Variants in DOCK4 observed in about 807,000 individuals in gnomAD.
DOCK4 encodes the protein dedicator of cytokinesis 4.
A neutral mutation model predicts 268.1 loss-of-function variants in DOCK4; 97 were observed. The observed-to-expected ratio is 0.36, with a 90% confidence interval of 0.31 to 0.43. The LOEUF (loss-of-function observed/expected upper bound fraction) is 0.43. Among genes scored for constraint, DOCK4 ranks in the 20% least tolerant of loss-of-function variants. DOCK4 has a pLI of 1.00. For missense variants in DOCK4, 2,145 were observed against 2,455.7 expected (o/e 0.87, Z 2.67); for synonymous variants, 954 against 887.2 (o/e 1.08, Z -1.34).
intron 1 of DOCK4, among the ~76,000 whole-genome samples, chr7:112,194,781 G>A (rs780099664): frequency 4.6e-5 from 7 of 152,198 alleles, no homozygotes; most frequent in Non-Finnish European, 8.8e-5. Flanking sequence ...TACAGGTAAT[G>A]TGTATGCCAA....
intron 1 of DOCK4, among the ~76,000 whole-genome samples, chr7:112,035,040 C>T (rs1046944333): frequency 3.3e-5 from 5 of 152,172 alleles, no homozygotes; most frequent in Middle Eastern, 3.2e-3. Flanking sequence ...CCTGGACACA[C>T]GGAGATGGTC....
chr7:112,165,744 T>C (rs1817562135), intron 1 of DOCK4, among the ~76,000 whole-genome samples: 1 of 152,142 alleles, frequency 6.6e-6, no homozygotes, highest in African/African-American at 2.4e-5. Flanking sequence ...TACTTAACTT[T>C]TGCTGAGAAA....
At chr7:112,190,610 G>C (rs1329048889) in intron 1 of DOCK4, among the ~76,000 whole-genome samples, 1 of 151,982 alleles carries the variant, frequency 6.6e-6, no homozygotes, top group Non-Finnish European at 1.5e-5. Context: ...TTGCAGACAG[G>C]GGCCGATTTA....
At position 112,155,858 on chromosome 7, in the gene DOCK4, C is replaced by A. The variant is rs576709421; in HGVS notation, c.37+50244G>T. Among the ~76,000 whole-genome samples the A allele has an allele frequency of 9.2e-5, 14 of 152,320 alleles. No individual in the cohort carries two copies. The South Asian group carries it at 2.9e-3, about 32-fold the overall frequency. On this transcript the variant is annotated intron_variant, in intron 1 of 52. Transcript: ENST00000428084. ...CATCTGCATGATCCTATGTGACAGC[C>A]ACTGGCTACATGTGACAACTGAGCA...
chr7:112,098,540 C>T (rs1810365012), intron 1 of DOCK4, among the ~76,000 whole-genome samples: 1 of 149,084 alleles, frequency 6.7e-6, no homozygotes, highest in African/African-American at 2.5e-5. Flanking sequence ...TGAATAGGTA[C>T]TATTTTATAT....
intron 1 of DOCK4, among the ~76,000 whole-genome samples, chr7:112,181,522 T>C (rs1051721608): frequency 1.3e-5 from 2 of 150,404 alleles, no homozygotes; most frequent in Non-Finnish European, 1.5e-5. Context: ...CCAGGGATAG[T>C]GGTTTGTGCC....
rs765114043 is a variant in DOCK4, at chr7:111,940,098, C to A, written c.977+12G>T. 1.1e-5 allele frequency: 17 copies of A among 1,613,782 alleles called. No homozygotes were observed. In the South Asian group the frequency reaches 1.8e-4, roughly 17 times the overall value. On this transcript the variant is annotated intron_variant, in intron 11 of 52. Transcript: ENST00000428084. Reference sequence around the variant, plus strand: ...TGCCTACCCCAGCCATCACCACGTGCATGTTTCTTACATGTATACTTTCAG... The same window carrying A: ...TGCCTACCCCAGCCATCACCACGTGAATGTTTCTTACATGTATACTTTCAG...
intron 46 of DOCK4, 128 bp downstream of exon 46, chr7:111,741,412 C>T: frequency 1.4e-6 from 2 of 1,431,732 alleles, no homozygotes; most frequent in Non-Finnish European, 1.9e-6. Context: ...TCTGCAGCTG[C>T]CTCGCGGGTT....
intron 1 of DOCK4, among the ~76,000 whole-genome samples, chr7:112,135,191 G>T (rs1814208895): frequency 6.6e-6 from 1 of 151,946 alleles, no homozygotes. Context: ...TTGAAAGTTG[G>T]TATATTTTTC....
chr7:111,805,145 AC>A (rs1800580473), intron 30 of DOCK4, among the ~76,000 whole-genome samples: 1 of 152,132 alleles, frequency 6.6e-6, no homozygotes, highest in African/African-American at 2.4e-5. Context: ...GGACAACAAA[AC>A]CTTTTGATTT....
intron 44 of DOCK4, among the ~76,000 whole-genome samples, chr7:111,743,744 G>C (rs1275648138): frequency 6.6e-6 from 1 of 152,182 alleles, no homozygotes; most frequent in Non-Finnish European, 1.5e-5. Context: ...GACAAGAAAA[G>C]AAGTTGAGCT....
intron 36 of DOCK4, among the ~76,000 whole-genome samples, chr7:111,776,086 A>G (rs1406362508): frequency 2.6e-5 from 4 of 152,226 alleles, no homozygotes; most frequent in African/African-American, 9.6e-5. Flanking sequence ...ATGTCTTCCT[A>G]AAGATTTTAA....
intron 1 of DOCK4, among the ~76,000 whole-genome samples, chr7:112,053,410 T>C (rs1805540355): frequency 6.6e-6 from 1 of 152,130 alleles, no homozygotes. Context: ...TTAAAAGGGT[T>C]TTTCTGTAAG....
intron 1 of DOCK4, among the ~76,000 whole-genome samples, chr7:112,197,470 G>A (rs1018619295): frequency 4.1e-4 from 62 of 152,104 alleles, no homozygotes; most frequent in African/African-American, 1.3e-3. Flanking sequence ...TCTCACAAAC[G>A]TGCACAATCT....
chr7:111,933,298 A>AT (rs376735342), intron 12 of DOCK4, among the ~76,000 whole-genome samples: 1,278 of 74,816 alleles, frequency 0.017, 167 homozygotes, highest in African/African-American at 0.038. Flanking sequence ...ATATATATAT[A>AT]TTTTTTTTTT....
chr7:111,935,482 C>A (rs1343568111), intron 12 of DOCK4, 58 bp downstream of exon 12: 51 of 1,481,298 alleles, frequency 3.4e-5, no homozygotes, highest in Admixed American at 1.3e-4. Context: ...AACAGACAAA[C>A]AAAAAAAAGG....
In DOCK4 at chr7:111,767,137, G is replaced by A. The variant is rs1304760893; in HGVS notation, c.3829-19C>T. ...CCCAACACTGTGGACAAATGAATGA[G>A]ATCAATGGAACCATCTGACAATATC... On this transcript the variant is annotated intron_variant, in intron 37 of 52. Coordinates refer to ENST00000428084, the MANE Select transcript of DOCK4 (RefSeq NM_001363540.2). The A allele has an allele frequency of 6.3e-7, 1 of 1,598,076 alleles. No individual in the cohort carries two copies. Among genetic ancestry groups the A allele is most frequent in the Non-Finnish European group, 8.6e-7 (1 of 1,168,074 alleles).
intron 1 of DOCK4, among the ~76,000 whole-genome samples, chr7:112,131,576 A>AT (rs1217041188): frequency 6.6e-6 from 1 of 152,226 alleles, no homozygotes; most frequent in Non-Finnish European, 1.5e-5. Flanking sequence ...AATCAAAGAT[A>AT]GAGTGAATGT....
chr7:111,921,819 T>C (rs1225960347), intron 12 of DOCK4, among the ~76,000 whole-genome samples: 5 of 152,202 alleles, frequency 3.3e-5, no homozygotes, highest in Admixed American at 1.3e-4. Flanking sequence ...CATTCCTCCC[T>C]ACCATGAGTA....
Sources: allele counts gnomAD v4.1 joint callset (sites outside exome capture counted in the v4.1 genomes callset), GRCh38; gene constraint gnomAD v4.1.1; transcripts MANE v1.5; gene names NCBI Gene and HGNC (gene_info 2026-07-23, HGNC 2026-07-21).